Variants in AKR1C3 observed in about 807,000 individuals in gnomAD.
AKR1C3 encodes the protein aldo-keto reductase family 1 member C3.
A neutral mutation model predicts 43.6 loss-of-function variants in AKR1C3; 48 were observed. That is an observed-to-expected ratio of 1.10 (90% CI 0.87 to 1.40). The LOEUF (loss-of-function observed/expected upper bound fraction) is 1.40. Ranked by LOEUF, AKR1C3 falls within the 40% of genes most tolerant of loss-of-function variation. The pLI is 0.00. For synonymous variants in AKR1C3, 162 were observed against 139.6 expected (o/e 1.16, Z -1.13); for missense variants, 482 against 391.2 (o/e 1.23, Z -1.96).
intron 1 of AKR1C3, among the ~76,000 whole-genome samples, chr10:5,057,932 A>G (rs1196060579): frequency 6.6e-6 from 1 of 152,166 alleles, no homozygotes; most frequent in Non-Finnish European, 1.5e-5. Flanking sequence ...ACCCTGTAGG[A>G]CATCTATGTA....
intron 1 of AKR1C3, among the ~76,000 whole-genome samples, chr10:5,077,291 C>T (rs1397964441): frequency 6.6e-6 from 1 of 151,980 alleles, no homozygotes; most frequent in Non-Finnish European, 1.5e-5. Context: ...GTATGGATAC[C>T]TGAAAATGTG....
At chr10:5,084,480 C>A (rs1272804769) in intron 1 of AKR1C3, among the ~76,000 whole-genome samples, 1 of 151,824 alleles carries the variant, frequency 6.6e-6, no homozygotes, top group African/African-American at 2.4e-5. Context: ...GTTACTGTAG[C>A]CTTGTAGTAT....
chr10:5,107,182 G>C (rs1200165321), intron 8 of AKR1C3, among the ~76,000 whole-genome samples: 1 of 152,156 alleles, frequency 6.6e-6, no homozygotes, highest in African/African-American at 2.4e-5. Context: ...AGTATAATCA[G>C]AGTATCTCTG....
upstream of AKR1C3, chr10:5,093,352 A>C (rs782706434): frequency 6.6e-6 from 1 of 152,142 alleles, no homozygotes; most frequent in African/African-American, 2.4e-5. Context: ...TATTGTATCA[A>C]TGTATAATAA....
intron 2 of AKR1C3, 72 bp downstream of exon 2, chr10:5,096,649 T>C (rs1768676341): frequency 1.3e-6 from 2 of 1,510,284 alleles, no homozygotes; most frequent in African/African-American, 1.4e-5. Flanking sequence ...ATTCTATGAC[T>C]GGATGAGTAG....
chr10:5,099,554 A>T, intron 5 of AKR1C3, 105 bp downstream of exon 5: 2 of 1,554,632 alleles, frequency 1.3e-6, no homozygotes, highest in Non-Finnish European at 1.7e-6. Flanking sequence ...GTGAAGTAGA[A>T]GATTATCTAG....
At chr10:5,102,054 T>C in intron 5 of AKR1C3, 47 bp from the exon 6 acceptor site, 1 of 1,184,544 alleles carries the variant, frequency 8.4e-7, no homozygotes, top group South Asian at 1.2e-5. Flanking sequence ...AATATTAACA[T>C]AACTATTTCA....
chr10:5,082,314 C>T (rs1321888869), intron 1 of AKR1C3, among the ~76,000 whole-genome samples: 1 of 152,100 alleles, frequency 6.6e-6, no homozygotes, highest in Non-Finnish European at 1.5e-5. Context: ...ATAGTACTTC[C>T]AATTTTGTGT....
At chr10:5,104,944 T>C (rs1839461424) in intron 7 of AKR1C3, among the ~76,000 whole-genome samples, 1 of 151,396 alleles carries the variant, frequency 6.6e-6, no homozygotes, top group African/African-American at 2.4e-5. Flanking sequence ...TGTTTTTTAT[T>C]CTCTCTCTCT....
At chr10:5,105,564 AAAAATAAT>A (rs1227103948) in intron 7 of AKR1C3, 23 bp from the exon 8 acceptor site, 8 of 1,564,446 alleles carry the variant, frequency 5.1e-6, no homozygotes, top group Non-Finnish European at 5.3e-6. Flanking sequence ...CTGGCAATCT[AAAAATAAT>A]AAAAGTTTTT....
At chr10:5,107,408 C>CT (rs1839534313) in intron 8 of AKR1C3, 53 bp from the exon 9 acceptor site, 1 of 1,260,474 alleles carries the variant, frequency 7.9e-7, no homozygotes, top group Non-Finnish European at 1.2e-6. Flanking sequence ...CACTTTACTA[C>CT]TCCCCTAGTA....
intron 7 of AKR1C3, among the ~76,000 whole-genome samples, chr10:5,103,050 C>G (rs587615166): frequency 6.6e-6 from 1 of 151,484 alleles, no homozygotes; most frequent in Admixed American, 6.6e-5. Context: ...CCACCAAGCC[C>G]GGCTAATTTT....
chr10:5,077,549 A>G (rs1440841359), intron 1 of AKR1C3: 1 of 466,268 alleles, frequency 2.1e-6, no homozygotes, highest in Admixed American at 6.4e-5. Flanking sequence ...ATGGAAATGC[A>G]AGGTTTGTCT....
intron 5 of AKR1C3, among the ~76,000 whole-genome samples, chr10:5,101,135 C>T (rs546681823): frequency 1.3e-5 from 2 of 152,204 alleles, no homozygotes; most frequent in East Asian, 3.9e-4. Context: ...TTTTATAGTG[C>T]TCCCTTTTAA....
At chr10:5,102,077 C>T (rs781910878) in intron 5 of AKR1C3, 24 bp from the exon 6 acceptor site, 2 of 1,391,408 alleles carry the variant, frequency 1.4e-6, no homozygotes, top group Non-Finnish European at 2.0e-6. Flanking sequence ...TAAATTGATG[C>T]TTCTCTCTTT....
chr10:5,106,140 C>G (rs1379303006), intron 8 of AKR1C3, among the ~76,000 whole-genome samples: 3 of 152,142 alleles, frequency 2.0e-5, no homozygotes, highest in African/African-American at 7.2e-5. Context: ...CTTGCTAGAT[C>G]CTGTCAATTC....
intron 1 of AKR1C3, among the ~76,000 whole-genome samples, chr10:5,086,085 C>G (rs1250378542): frequency 1.3e-5 from 2 of 151,750 alleles, no homozygotes; most frequent in Non-Finnish European, 2.9e-5. Flanking sequence ...TTCAGTTCTG[C>G]TCTGATCTTA....
chr10:5,103,784 A>G (rs1188980640), intron 7 of AKR1C3, among the ~76,000 whole-genome samples: 4 of 152,172 alleles, frequency 2.6e-5, no homozygotes, highest in Non-Finnish European at 5.9e-5. Context: ...GGCCAGACTC[A>G]AGGGATGGGT....
chr10:5,083,890 C>T (rs560846505), intron 1 of AKR1C3, among the ~76,000 whole-genome samples: 193 of 152,264 alleles, frequency 1.3e-3, no homozygotes, highest in African/African-American at 4.5e-3. Context: ...TGAGAAGTGT[C>T]TGTTCATATA....
Sources: allele counts gnomAD v4.1 joint callset (sites outside exome capture counted in the v4.1 genomes callset), GRCh38; gene constraint gnomAD v4.1.1; transcripts MANE v1.5; gene names NCBI Gene and HGNC (gene_info 2026-07-23, HGNC 2026-07-21).